The following CENPH variants were observed in gnomAD, a reference collection of about 807,000 sequenced individuals.
CENPH encodes centromere protein H.
A neutral mutation model predicts 42.9 loss-of-function variants in CENPH; 40 were observed. The observed-to-expected ratio is 0.93, with a 90% confidence interval of 0.72 to 1.21. The LOEUF is 1.21. Among genes scored for constraint, CENPH ranks in the 50% most tolerant of loss-of-function variants. The pLI is 0.00. For synonymous variants in CENPH, 88 were observed against 96.5 expected, an observed-to-expected ratio of 0.91 and a Z score of 0.52; for missense variants, 302 against 292.9, an observed-to-expected ratio of 1.03 and a Z score of -0.23.
intron 2 of CENPH, among the ~76,000 whole-genome samples, chr5:69,193,915 G>A (rs1747921638): frequency 6.6e-6 from 1 of 151,978 alleles, no homozygotes; most frequent in Non-Finnish European, 1.5e-5. Flanking sequence ...GCCTCCCAAA[G>A]TACTGGGATT....
chr5:69,208,162 T>C lies in CENPH; in HGVS notation c.488-34T>C, dbSNP rs1200860727. ...AAGATCCTTGTTTATAGAGGTATTATATATGGTATATTATTTTATTTTTAA... is the reference window on the plus strand; with the variant it reads ...AAGATCCTTGTTTATAGAGGTATTACATATGGTATATTATTTTATTTTTAA... On this transcript the variant is annotated intron_variant, in intron 7 of 8. Transcript: ENST00000283006. 3 of 1,163,736 alleles carry C rather than the reference T, an allele frequency of 2.6e-6. No homozygotes were observed. In the African/African-American group the frequency reaches 4.7e-5, roughly 18 times the overall value. 72.1% of individuals were successfully genotyped at this position (1,163,736 alleles called of 1,614,324 possible).
At chr5:69,203,399 C>G (rs933071346) in intron 7 of CENPH, among the ~76,000 whole-genome samples, 7 of 152,052 alleles carry the variant, frequency 4.6e-5, no homozygotes, top group African/African-American at 1.7e-4. Flanking sequence ...CAGAATCTCA[C>G]TCTGTCGCCC....
chr5:69,209,724 T>TA lies in CENPH; in HGVS notation c.672dup (p.Val225SerfsTer10). 6.3e-7 allele frequency: 1 copy of TA among 1,597,370 alleles called. No homozygotes were observed. Among genetic ancestry groups the TA allele is most frequent in the Non-Finnish European group, 8.6e-7 (1 of 1,168,378 alleles). ...CTTTACAGAACCTTATTTTGGGGAG[T>TA]AAAGTCAATTGGGCAGAGGATCCTG... On this transcript the variant is annotated frameshift_variant, in exon 9 of 9. Transcript: ENST00000283006. LOFTEE classifies it high-confidence loss of function.
At position 69,202,493 on chromosome 5, in the gene CENPH, G is replaced by C. The variant is rs1234069212; in HGVS notation, c.372-13G>C. 1 of 1,448,552 alleles carries C rather than the reference G, an allele frequency of 6.9e-7. No homozygotes were observed. The highest frequency in any genetic ancestry group is 9.5e-7 in the Non-Finnish European group (1 of 1,048,244). The allele number at this position is 1,448,552 out of a possible 1,614,324, so 89.7% of individuals were successfully genotyped here. A position where few individuals can be genotyped will look rare whatever the true frequency, so the allele number is the denominator to read the frequency against. ...AATAACCTTAATAAATCATCTTTTT[G>C]TTTCCTTTTCAGTGTGCTCATGGAT... On this transcript the variant is annotated splice_polypyrimidine_tract_variant and intron_variant, in intron 5 of 8. Coordinates refer to ENST00000283006, the MANE Select transcript of CENPH (RefSeq NM_022909.4).
rs957378074 is a variant in CENPH, at chr5:69,194,167, GT to G, written c.191-469del. 1.6e-3 allele frequency among the ~76,000 whole-genome samples: 229 copies of G among 145,898 alleles called. 1 individual carries two copies. Among genetic ancestry groups the G allele is most frequent in the African/African-American group, 5.4e-3 (215 of 40,050 alleles). Reference sequence around the variant, plus strand: ...TGCCACATTGTCTTTGTTGGTTGATGTTTTTTTTTTTGAGATGATCTCACTC... The same window carrying G: ...TGCCACATTGTCTTTGTTGGTTGATGTTTTTTTTTTGAGATGATCTCACTC... On this transcript the variant is annotated intron_variant, in intron 2 of 8. Transcript: ENST00000283006.
chr5:69,194,585 T>G, intron 2 of CENPH, 62 bp from the exon 3 acceptor site: 2 of 948,244 alleles, frequency 2.1e-6, no homozygotes, highest in Non-Finnish European at 3.3e-6. Flanking sequence ...GCTTACATTA[T>G]ATTCCTTTTG....
chr5:69,209,443 C>A (rs1358584440), intron 8 of CENPH, among the ~76,000 whole-genome samples: 2 of 151,778 alleles, frequency 1.3e-5, no homozygotes, highest in African/African-American at 2.4e-5. Flanking sequence ...GAGGCTGAGG[C>A]AGGAGAGTTG....
At chr5:69,208,459 A>G (rs139119884) in intron 8 of CENPH, 100 bp downstream of exon 8, 193 of 687,740 alleles carry the variant, frequency 2.8e-4, no homozygotes, top group Non-Finnish European at 4.3e-4. Context: ...TCCTGGTTCA[A>G]GCAATTCTCC....
At chr5:69,196,776 G>A (rs1747970739) in intron 4 of CENPH, among the ~76,000 whole-genome samples, 3 of 152,178 alleles carry the variant, frequency 2.0e-5, no homozygotes, top group Admixed American at 2.0e-4. Flanking sequence ...AAAAGTAGAT[G>A]GTTCAGAGAA....
At chr5:69,200,717 A>ATTTTTTTTTTTTTT (rs1554058445) in intron 5 of CENPH, among the ~76,000 whole-genome samples, 1 of 40,976 alleles carries the variant, frequency 2.4e-5, no homozygotes. Context: ...GAATCAGCGT[A>ATTTTTTTTTTTTTT]TCTTTTTTTT....
At chr5:69,200,719 CTTTTTTTTTTTTTTTTTTTTT>C (rs70992906) in intron 5 of CENPH, among the ~76,000 whole-genome samples, 5 of 46,918 alleles carry the variant, frequency 1.1e-4, no homozygotes, top group Non-Finnish European at 1.7e-4. Context: ...ATCAGCGTAT[CTTTTTTTTTTTTTTTTTTTTT>C]TTTTTTTTTT....
intron 7 of CENPH, among the ~76,000 whole-genome samples, chr5:69,206,752 T>G (rs1311443649): frequency 6.6e-6 from 1 of 152,168 alleles, no homozygotes; most frequent in Non-Finnish European, 1.5e-5. Flanking sequence ...CTCCTCAGCC[T>G]CCCACAGTGC....
chr5:69,189,794 G>A (rs765381987), intron 1 of CENPH, 26 bp downstream of exon 1: 1 of 1,421,618 alleles, frequency 7.0e-7, no homozygotes, highest in Non-Finnish European at 9.2e-7. Flanking sequence ...CTCCTCAGCC[G>A]GGGCCAAGTG....
chr5:69,193,189 A>C (rs1747907282), intron 2 of CENPH, among the ~76,000 whole-genome samples: 2 of 147,434 alleles, frequency 1.4e-5, no homozygotes, highest in African/African-American at 4.9e-5. Context: ...GTATGTGTAT[A>C]TATGTATATA....
intron 1 of CENPH, among the ~76,000 whole-genome samples, chr5:69,190,914 T>A (rs113666829): frequency 1.7e-3 from 255 of 152,198 alleles, no homozygotes; most frequent in Non-Finnish European, 3.0e-3. Context: ...TTAATTACCA[T>A]TTTTTTCTTT....
intron 4 of CENPH, 98 bp downstream of exon 4, chr5:69,195,889 G>T: frequency 1.5e-6 from 1 of 660,218 alleles, no homozygotes; most frequent in Non-Finnish European, 2.7e-6. Context: ...GAGTGAATTA[G>T]TCAAGCACAG....
At chr5:69,208,911 C>T (rs570842838) in intron 8 of CENPH, among the ~76,000 whole-genome samples, 1 of 152,232 alleles carries the variant, frequency 6.6e-6, no homozygotes, top group South Asian at 2.1e-4. Context: ...TCTCCTGCCT[C>T]AGCCTCCTGA....
At chr5:69,205,713 T>C (rs1340096552) in intron 7 of CENPH, among the ~76,000 whole-genome samples, 4 of 139,138 alleles carry the variant, frequency 2.9e-5, no homozygotes, top group African/African-American at 8.1e-5. Context: ...TTTTTTTTTT[T>C]TTTTTTTTTT....
At chr5:69,208,561 G>A (rs921053799) in intron 8 of CENPH, among the ~76,000 whole-genome samples, 38 of 152,040 alleles carry the variant, frequency 2.5e-4, no homozygotes, top group Admixed American at 4.6e-4. Flanking sequence ...GTTTCACCAT[G>A]TTGGCTAGGC....
Sources: gnomAD v4.1 joint callset for allele counts (sites outside exome capture counted in the v4.1 genomes callset) on GRCh38, gnomAD v4.1.1 for gene constraint, MANE v1.5 for transcripts, NCBI Gene and HGNC (gene_info 2026-07-23, HGNC 2026-07-21) for gene names.